ZNF415: variants seen among roughly 807,000 people sequenced by gnomAD.
ZNF415 encodes the protein zinc finger protein 415.
Under a neutral mutation model 7.3 loss-of-function variants are expected in ZNF415, and 5 were observed. That is an observed-to-expected ratio of 0.69 (90% CI 0.36 to 1.44). ZNF415 has a LOEUF of 1.44. Ranked by LOEUF, ZNF415 falls within the 40% of genes most tolerant of loss-of-function variation. The probability of loss-of-function intolerance (pLI) is 0.04; values close to 1 mark genes in which losing one functional copy is unlikely to be tolerated. For missense variants in ZNF415, 628 were observed against 664.8 expected, an observed-to-expected ratio of 0.94 and a Z score of 0.61; for synonymous variants, 207 against 226.3, an observed-to-expected ratio of 0.91 and a Z score of 0.77.
chr19:53,117,901 C>A (rs139894094), intron 2 of ZNF415, among the ~76,000 whole-genome samples: 2 of 152,164 alleles, frequency 1.3e-5, no homozygotes. Context: ...GAGAAAGGAG[C>A]AAACATACAA....
At chr19:53,118,040 C>A (rs2087340831) in intron 2 of ZNF415, among the ~76,000 whole-genome samples, 1 of 151,920 alleles carries the variant, frequency 6.6e-6, no homozygotes, top group African/African-American at 2.4e-5. Context: ...AGCGTGTAAC[C>A]CAACTATATG....
intron 1 of ZNF415, among the ~76,000 whole-genome samples, chr19:53,128,920 ATG>A (rs1326224856): frequency 1.7e-5 from 1 of 57,410 alleles, no homozygotes; most frequent in Non-Finnish European, 4.7e-5. Flanking sequence ...GTGTCCTCCA[ATG>A]GAGGGAGACA....
At chr19:53,127,968 A>T (rs1478504144) in intron 1 of ZNF415, among the ~76,000 whole-genome samples, 1 of 152,086 alleles carries the variant, frequency 6.6e-6, no homozygotes, top group East Asian at 1.9e-4. Context: ...ACCCACGTCC[A>T]TGTGCTACAG....
intron 1 of ZNF415, chr19:53,123,549 A>G: frequency 2.5e-6 from 1 of 398,676 alleles, no homozygotes; most frequent in African/African-American, 2.1e-5. Flanking sequence ...GCCCACGTGA[A>G]GGCCTTGAGG....
At chr19:53,115,430 G>A (rs1428836393) in intron 3 of ZNF415, 1 of 463,230 alleles carries the variant, frequency 2.2e-6, no homozygotes, top group South Asian at 2.6e-5. Context: ...CAGAGTGAAG[G>A]AGCCAGAGAG....
rs1317253129 is a variant in ZNF415 at position 53,113,524 on chromosome 19, A to C, written c.136+2789T>G. ...TCCGTCTCAAAAAAAAAAAAAAAAA[A>C]AAAAAAAAAACCGAGGCATTACAGC... On this transcript the variant is annotated intron_variant, in intron 3 of 3. Coordinates refer to ENST00000243643, the MANE Select transcript of ZNF415 (RefSeq NM_018355.4). 2.5e-3 allele frequency among the ~76,000 whole-genome samples: 68 copies of C among 27,486 alleles called. 21 individuals carry two copies. Among genetic ancestry groups the C allele is most frequent in the African/African-American group, 7.5e-3 (59 of 7,846 alleles). The allele number at this position is 27,486 out of a possible 152,430, so 18.0% of individuals were successfully genotyped here. A position where few individuals can be genotyped will look rare whatever the true frequency, so the allele number is the denominator to read the frequency against.
Position 53,109,232 on chromosome 19 carries a change from T to C in ZNF415, c.813A>G (p.Pro271=), listed in dbSNP as rs749331292. The change falls in exon 4 of 4, where the codon CCA becomes CCG. Residue 271 remains proline (P), a synonymous_variant. Transcript: ENST00000243643. The stretch of plus-strand genomic sequence containing the variant: ...TTCTGTCACATTCATTACATTTGTA[T>C]GGTTTCTCTCCAGTATGAACTCTCC... ...RHWRVHTGEK[P]YKCNECDRSF... 1.8e-5 allele frequency: 29 copies of C among 1,613,432 alleles called. No homozygotes were observed. Among genetic ancestry groups the C allele is most frequent in the Non-Finnish European group, 2.3e-5 (27 of 1,179,844 alleles).
At chr19:53,130,957 T>G (rs1180497679) in intron 1 of ZNF415, among the ~76,000 whole-genome samples, 1 of 151,978 alleles carries the variant, frequency 6.6e-6, no homozygotes, top group East Asian at 1.9e-4. Context: ...ACACTTTTAA[T>G]GTTCCTTTTG....
At chr19:53,122,809 A>G (rs2088346791) in intron 1 of ZNF415, 66 bp from the exon 2 acceptor site, 2 of 1,237,108 alleles carry the variant, frequency 1.6e-6, no homozygotes, top group African/African-American at 3.0e-5. Context: ...TGTGACAAGC[A>G]CACACATACA....
chr19:53,114,267 C>T (rs534732957), intron 3 of ZNF415, among the ~76,000 whole-genome samples: 2 of 152,196 alleles, frequency 1.3e-5, no homozygotes, highest in South Asian at 4.1e-4. Flanking sequence ...ACCTCCGCCT[C>T]CTGGGGTCAT....
chr19:53,122,858 C>T (rs537281531), intron 1 of ZNF415, 115 bp from the exon 2 acceptor site: 22 of 751,532 alleles, frequency 2.9e-5, no homozygotes, highest in African/African-American at 1.2e-4. Flanking sequence ...GGTCCTCTGC[C>T]GCCCACTACA....
intron 3 of ZNF415, among the ~76,000 whole-genome samples, chr19:53,111,706 A>C (rs2086270920): frequency 6.6e-6 from 1 of 152,150 alleles, no homozygotes; most frequent in African/African-American, 2.4e-5. Flanking sequence ...ATCTCATCAC[A>C]ATCATCACAG....
intron 2 of ZNF415, among the ~76,000 whole-genome samples, chr19:53,119,081 C>A (rs1421438030): frequency 1.3e-5 from 2 of 152,054 alleles, no homozygotes; most frequent in Non-Finnish European, 2.9e-5. Context: ...GAGATCAAGA[C>A]CATCCTGGCT....
At chr19:53,131,252 T>G (rs987411037) in intron 1 of ZNF415, among the ~76,000 whole-genome samples, 1 of 151,270 alleles carries the variant, frequency 6.6e-6, no homozygotes, top group Non-Finnish European at 1.5e-5. Context: ...ACTCTCCCAC[T>G]CCCCCTTCCC....
At chr19:53,131,939 G>A (rs1262898279) in intron 1 of ZNF415, among the ~76,000 whole-genome samples, 2 of 151,614 alleles carry the variant, frequency 1.3e-5, no homozygotes, top group African/African-American at 4.9e-5. Context: ...TGCTGTCCCG[G>A]TACCACACTG....
chr19:53,130,298 A>C (rs986780933), intron 1 of ZNF415, among the ~76,000 whole-genome samples: 3 of 152,184 alleles, frequency 2.0e-5, no homozygotes, highest in Non-Finnish European at 4.4e-5. Context: ...CATTGAAACA[A>C]TCTAAAATTA....
intron 3 of ZNF415, among the ~76,000 whole-genome samples, chr19:53,111,340 C>CTTTTTTTT (rs61112807): frequency 9.5e-6 from 1 of 105,120 alleles, no homozygotes; most frequent in Non-Finnish European, 1.8e-5. Flanking sequence ...TATGATATTT[C>CTTTTTTTT]TTTTTTTTTT....
chr19:53,130,481 C>A (rs1661929), intron 1 of ZNF415, among the ~76,000 whole-genome samples: 127,922 of 152,144 alleles, frequency 0.84, 53,922 homozygotes, highest in Non-Finnish European at 0.87. Context: ...TTAGAAAATG[C>A]CATGAGCTGA....
chr19:53,120,406 C>G (rs1483703816), intron 2 of ZNF415, among the ~76,000 whole-genome samples: 1 of 151,996 alleles, frequency 6.6e-6, no homozygotes, highest in East Asian at 1.9e-4. Context: ...CAATATTGTT[C>G]TAAAATCTCA....
Sources: gnomAD v4.1 joint callset for allele counts (sites outside exome capture counted in the v4.1 genomes callset) on GRCh38, gnomAD v4.1.1 for gene constraint, MANE v1.5 for transcripts, NCBI Gene and HGNC (gene_info 2026-07-23, HGNC 2026-07-21) for gene names.